TRHDE: variants seen among roughly 807,000 people sequenced by gnomAD.
TRHDE encodes the protein thyrotropin releasing hormone degrading enzyme.
A neutral mutation model predicts 125.7 loss-of-function variants in TRHDE; 72 were observed. That is an observed-to-expected ratio of 0.57 (90% CI 0.47 to 0.70). The LOEUF (loss-of-function observed/expected upper bound fraction) is 0.70, where lower values mean the gene tolerates loss of function less well. TRHDE is among the 30% of genes least tolerant of loss of function. TRHDE has a pLI of 0.00. For missense variants in TRHDE, 1,110 were observed against 1,327.1 expected (o/e 0.84, Z 2.54); for synonymous variants, 509 against 509.1 (o/e 1.00, Z 0.00).
Position 72,642,171 on chromosome 12 carries a change from C to T in TRHDE, c.2676-10151C>T, listed in dbSNP as rs117295066. On this transcript the variant is annotated intron_variant, in intron 15 of 18. Coordinates refer to ENST00000261180, the MANE Select transcript of TRHDE (RefSeq NM_013381.3). ...ATAAATTTCTATTGTTTATAAGCCT[C>T]CCAGTATATGGTACTTTGTCATAGC... Among the ~76,000 whole-genome samples, 784 of 152,248 alleles carry T rather than the reference C, an allele frequency of 5.1e-3. 4 individuals are homozygous for T. The highest frequency in any genetic ancestry group is 9.0e-3 in the Non-Finnish European group (611 of 68,016).
chr12:72,443,509 A>G (rs1875125006), intron 3 of TRHDE, among the ~76,000 whole-genome samples: 1 of 151,884 alleles, frequency 6.6e-6, no homozygotes, highest in Non-Finnish European at 1.5e-5. Flanking sequence ...AGGATTGAGC[A>G]TAATAGCTGG....
At chr12:72,538,599 C>G (rs1341840231) in intron 6 of TRHDE, among the ~76,000 whole-genome samples, 1 of 151,958 alleles carries the variant, frequency 6.6e-6, no homozygotes, top group African/African-American at 2.4e-5. Flanking sequence ...ACTTTCCACT[C>G]AATTTTATTC....
chr12:72,614,310 A>ATG (rs1185915139), intron 12 of TRHDE, among the ~76,000 whole-genome samples: 1 of 86,582 alleles, frequency 1.2e-5, no homozygotes, highest in East Asian at 4.5e-4. Context: ...ATATATACAT[A>ATG]TGTATATATA....
At chr12:72,628,035 G>C (rs915455218) in intron 15 of TRHDE, among the ~76,000 whole-genome samples, 6 of 151,740 alleles carry the variant, frequency 4.0e-5, no homozygotes, top group African/African-American at 1.5e-4. Flanking sequence ...GTTTTAACCA[G>C]TATTAGTTCA....
chr12:72,144,866 A>G (rs1281940139), intron 2 of TRHDE, among the ~76,000 whole-genome samples: 2 of 152,136 alleles, frequency 1.3e-5, no homozygotes, highest in South Asian at 2.1e-4. Context: ...TGTAACATCT[A>G]TCTTATGGGA....
intron 1 of TRHDE, among the ~76,000 whole-genome samples, chr12:72,285,264 C>T (rs1350548476): frequency 3.3e-5 from 5 of 151,994 alleles, no homozygotes; most frequent in Admixed American, 1.3e-4. Context: ...AGGCCAAGTT[C>T]GGGTTTGGTG....
Position 72,273,473 on chromosome 12 carries a change from A to G in TRHDE, c.830A>G (p.Asn277Ser), listed in dbSNP as rs564043829. The change falls in exon 1 of 19, where the codon AAT (asparagine) becomes AGT (serine). Residue 277 changes from asparagine to serine, a missense_variant. Coordinates refer to ENST00000261180, the MANE Select transcript of TRHDE (RefSeq NM_013381.3). This position sits in a 1 kb window ranked among gnomAD's most constrained non-coding sequence, Gnocchi z 5.3. Reference sequence around the variant, plus strand: ...ACACTGGACGCGCAGAGGAATTACAATCTGAAGATTATCTACAACGCGCTC... The same window carrying G: ...ACACTGGACGCGCAGAGGAATTACAGTCTGAAGATTATCTACAACGCGCTC... Reference protein sequence around the residue: ...NRTLDAQRNYNLKIIYNALIE... With the variant: ...NRTLDAQRNYSLKIIYNALIE... 6.2e-7 allele frequency: 1 copy of G among 1,613,850 alleles called. No individual in the cohort carries two copies. The highest frequency in any genetic ancestry group is 8.5e-7 in the Non-Finnish European group (1 of 1,180,030).
In TRHDE at chr12:72,513,139, T is replaced by C. The variant is rs796138822; in HGVS notation, c.1722+13504T>C. ...CATTAGTACACCGTTGTTTTTACCATTGAGGTCACCTTTTATCACTATTTC... is the reference window on the plus strand; with the variant it reads ...CATTAGTACACCGTTGTTTTTACCACTGAGGTCACCTTTTATCACTATTTC... On this transcript the variant is annotated intron_variant, in intron 6 of 18. Coordinates refer to ENST00000261180, the MANE Select transcript of TRHDE (RefSeq NM_013381.3). Among the ~76,000 whole-genome samples the C allele has an allele frequency of 5.3e-5, 8 of 152,168 alleles. No homozygotes were observed. In the East Asian group the frequency reaches 1.2e-3, roughly 22 times the overall value.
chr12:72,141,227 C>G (rs1876104759), intron 2 of TRHDE, among the ~76,000 whole-genome samples: 3 of 151,888 alleles, frequency 2.0e-5, no homozygotes, highest in Non-Finnish European at 2.9e-5. Flanking sequence ...TATTTTTTTC[C>G]CCCTGACTAC....
At chr12:72,236,979 C>A (rs139857405) in intron 2 of TRHDE, among the ~76,000 whole-genome samples, 5 of 152,092 alleles carry the variant, frequency 3.3e-5, no homozygotes, top group Non-Finnish European at 5.9e-5. Flanking sequence ...TTTAGATGGC[C>A]CTGAGAAATG....
At chr12:72,216,603 GA>G (rs567177295) in intron 2 of TRHDE, among the ~76,000 whole-genome samples, 2 of 151,798 alleles carry the variant, frequency 1.3e-5, no homozygotes, top group Admixed American at 6.6e-5. Context: ...ACCTTAAAGA[GA>G]AAAAAAATGC....
At chr12:72,264,929 T>C (rs1402291508) in intron 2 of TRHDE, among the ~76,000 whole-genome samples, 1 of 151,538 alleles carries the variant, frequency 6.6e-6, no homozygotes, top group Non-Finnish European at 1.5e-5. Context: ...TAGAGACTGT[T>C]CTAGAGCCAA....
intron 2 of TRHDE, among the ~76,000 whole-genome samples, chr12:72,204,792 A>G (rs1037264791): frequency 5.3e-5 from 8 of 152,302 alleles, no homozygotes; most frequent in Non-Finnish European, 1.0e-4. Flanking sequence ...TGAGCTTCCT[A>G]TATACTTTTT....
intron 2 of TRHDE, among the ~76,000 whole-genome samples, chr12:72,333,737 C>A (rs953585941): frequency 2.6e-5 from 4 of 152,146 alleles, no homozygotes; most frequent in Non-Finnish European, 4.4e-5. Flanking sequence ...TCAGATTGAG[C>A]GAGTGCTTTG....
At chr12:72,170,613 T>C (rs969033923) in intron 2 of TRHDE, among the ~76,000 whole-genome samples, 3 of 152,098 alleles carry the variant, frequency 2.0e-5, no homozygotes, top group African/African-American at 7.2e-5. Flanking sequence ...CCTTTGATGT[T>C]TCTGGCTCCA....
chr12:72,221,769 T>C (rs1025519629), intron 2 of TRHDE, among the ~76,000 whole-genome samples: 1 of 152,148 alleles, frequency 6.6e-6, no homozygotes, highest in Non-Finnish European at 1.5e-5. Context: ...ATACCATACA[T>C]TCAGCTATCT....
rs115403767 is a variant in TRHDE at position 72,527,396 on chromosome 12, A to G, written c.1723-14895A>G. Reference sequence around the variant, plus strand: ...ATGGGATACTACAGTTATGTCGCATAAAGAATTCGATTTAGGGCAATTGTG... The same window carrying G: ...ATGGGATACTACAGTTATGTCGCATGAAGAATTCGATTTAGGGCAATTGTG... On this transcript the variant is annotated intron_variant, in intron 6 of 18. Transcript: ENST00000261180. Among the ~76,000 whole-genome samples, 855 of 152,262 alleles carry G rather than the reference A, an allele frequency of 5.6e-3. 8 individuals are homozygous for G. The highest frequency in any genetic ancestry group is 0.02 in the African/African-American group (814 of 41,572).
intron 2 of TRHDE, among the ~76,000 whole-genome samples, chr12:72,348,458 CTAA>C (rs1565708067): frequency 6.6e-6 from 1 of 151,660 alleles, no homozygotes; most frequent in Non-Finnish European, 1.5e-5. Flanking sequence ...GAGCAACTCT[CTAA>C]TTGATTCAGG....
chr12:72,151,169 AT>A (rs1250543661), intron 2 of TRHDE, among the ~76,000 whole-genome samples: 2 of 152,032 alleles, frequency 1.3e-5, no homozygotes, highest in African/African-American at 4.8e-5. Flanking sequence ...GCATTTTTTC[AT>A]GTGTCTGTTG....
Sources: gnomAD v4.1 joint callset for allele counts (sites outside exome capture counted in the v4.1 genomes callset) on GRCh38, gnomAD v4.1.1 for gene constraint, Gnocchi (gnomAD v3.1) non-coding constraint, MANE v1.5 for transcripts, NCBI Gene and HGNC (gene_info 2026-07-23, HGNC 2026-07-21) for gene names.